Variants in LRRC37A2 observed in about 807,000 individuals in gnomAD.
LRRC37A2 encodes the protein leucine rich repeat containing 37 member A2.
A neutral mutation model predicts 68.8 loss-of-function variants in LRRC37A2; 9 were observed. That is an observed-to-expected ratio of 0.13 (90% CI 0.08 to 0.23). LRRC37A2 has a LOEUF of 0.23. Ranked by LOEUF, LRRC37A2 falls within the 10% of genes least tolerant of loss-of-function variation. The pLI is 1.00. For missense variants in LRRC37A2, 168 were observed against 950.4 expected, an observed-to-expected ratio of 0.18 and a Z score of 10.82; for synonymous variants, 63 against 367.6, an observed-to-expected ratio of 0.17 and a Z score of 9.48.
the LRRC37A2 span, among the ~76,000 whole-genome samples, chr17:46,958,516 A>G: frequency 6.6e-6 from 1 of 152,236 alleles, no homozygotes; most frequent in African/African-American, 2.4e-5. Flanking sequence ...AGCCACTGGA[A>G]GTAGGATCTG....
the LRRC37A2 span, among the ~76,000 whole-genome samples, chr17:46,901,390 G>A: frequency 7.2e-5 from 11 of 152,210 alleles, no homozygotes; most frequent in Non-Finnish European, 1.3e-4. Context: ...TTTAACTCCC[G>A]ACCTCAGGTG....
chr17:46,979,161 C>T, the LRRC37A2 span: 2 of 813,418 alleles, frequency 2.5e-6, no homozygotes, highest in Non-Finnish European at 3.4e-6. Flanking sequence ...TGCGCGCTCT[C>T]GGGCCGCCTA....
chr17:46,946,162 G>GC, the LRRC37A2 span, among the ~76,000 whole-genome samples: 1 of 152,114 alleles, frequency 6.6e-6, no homozygotes, highest in African/African-American at 2.4e-5. Context: ...TAGGCTGGGC[G>GC]CGGTGTCTCA....
At chr17:46,859,051 ACTGCAACCTCCAC>A in the LRRC37A2 span, among the ~76,000 whole-genome samples, 10 of 146,230 alleles carry the variant, frequency 6.8e-5, no homozygotes, top group African/African-American at 2.6e-4. Flanking sequence ...ATCTCGGCTC[ACTGCAACCTCCAC>A]CTCCCGGGTT....
At chr17:46,738,990 CT>C in the LRRC37A2 span, among the ~76,000 whole-genome samples, 1 of 151,894 alleles carries the variant, frequency 6.6e-6, no homozygotes, top group African/African-American at 2.4e-5. Context: ...AATCCCAGCA[CT>C]TTGGGAGGCC....
the LRRC37A2 span, among the ~76,000 whole-genome samples, chr17:47,006,805 C>T: frequency 1.3e-5 from 2 of 152,208 alleles, no homozygotes; most frequent in Non-Finnish European, 2.9e-5. Flanking sequence ...GGGCCTCTGC[C>T]AGGCACTATT....
the LRRC37A2 span, chr17:46,940,234 G>T: frequency 2.5e-5 from 36 of 1,420,698 alleles, no homozygotes; most frequent in Non-Finnish European, 3.3e-5. Flanking sequence ...GAGTTTCCTG[G>T]ATGCTAATTT....
At chr17:46,984,461 G>A in the LRRC37A2 span, among the ~76,000 whole-genome samples, 2 of 152,276 alleles carry the variant, frequency 1.3e-5, no homozygotes, top group Middle Eastern at 3.4e-3. Flanking sequence ...GTGCCTCTGG[G>A]CCAAGCCACC....
the LRRC37A2 span, among the ~76,000 whole-genome samples, chr17:46,973,706 A>G: frequency 6.6e-6 from 1 of 152,124 alleles, no homozygotes; most frequent in Non-Finnish European, 1.5e-5. Flanking sequence ...ATCTGCTGTG[A>G]TCTTTATTGA....
At chr17:46,778,752 A>C in the LRRC37A2 span, among the ~76,000 whole-genome samples, 2 of 152,028 alleles carry the variant, frequency 1.3e-5, no homozygotes, top group Non-Finnish European at 2.9e-5. Context: ...ACACTTCTGC[A>C]CATTTGCACA....
the LRRC37A2 span, chr17:46,940,825 G>A: frequency 6.8e-7 from 1 of 1,464,366 alleles, no homozygotes; most frequent in South Asian, 1.4e-5. Context: ...TGCGGCTGGT[G>A]GACAGCAGCC....
At chr17:46,963,019 C>G in the LRRC37A2 span, among the ~76,000 whole-genome samples, 2 of 150,228 alleles carry the variant, frequency 1.3e-5, no homozygotes, top group Non-Finnish European at 3.0e-5. Flanking sequence ...TGCCACATGG[C>G]TAATAAAGAA....
the LRRC37A2 span, among the ~76,000 whole-genome samples, chr17:46,848,670 G>T: frequency 1.3e-5 from 2 of 152,240 alleles, no homozygotes; most frequent in East Asian, 1.9e-4. Context: ...TAATGCAAAG[G>T]TGTCTGTGAG....
the LRRC37A2 span, chr17:46,875,129 G>A: frequency 1.9e-5 from 31 of 1,613,894 alleles, no homozygotes; most frequent in African/African-American, 8.0e-5. Flanking sequence ...TCCTGTACGC[G>A]GTGTCCTCTG....
At chr17:46,854,846 G>A in the LRRC37A2 span, among the ~76,000 whole-genome samples, 1 of 152,020 alleles carries the variant, frequency 6.6e-6, no homozygotes, top group African/African-American at 2.4e-5. Context: ...TTTTAATAGA[G>A]ATGGGGTTTC....
At chr17:46,526,365 C>T (rs879485753) in intron 6 of LRRC37A2, among the ~76,000 whole-genome samples, 99 of 97,630 alleles carry the variant, frequency 1.0e-3, no homozygotes, top group Non-Finnish European at 1.7e-3. Flanking sequence ...TATTTCCCTG[C>T]ATTACACAAG....
the LRRC37A2 span, among the ~76,000 whole-genome samples, chr17:46,898,469 T>TGGCCATGGCCTCTTCTTATG: frequency 6.6e-6 from 1 of 152,226 alleles, no homozygotes; most frequent in Non-Finnish European, 1.5e-5. Flanking sequence ...CTGCCCACCC[T>TGGCCATGGCCTCTTCTTATG]GGCCATGGCC....
chr17:46,951,897 C>T, the LRRC37A2 span, among the ~76,000 whole-genome samples: 2 of 152,156 alleles, frequency 1.3e-5, no homozygotes, highest in East Asian at 1.9e-4. Context: ...TTCTCCCCCC[C>T]AGACATCACC....
the LRRC37A2 span, among the ~76,000 whole-genome samples, chr17:46,859,192 T>C: frequency 6.6e-6 from 1 of 152,096 alleles, no homozygotes; most frequent in Non-Finnish European, 1.5e-5. Context: ...GGCAGGCTGG[T>C]CTTGAACTCC....
Sources: allele counts gnomAD v4.1 joint callset (sites outside exome capture counted in the v4.1 genomes callset), GRCh38; gene constraint gnomAD v4.1.1; transcripts MANE v1.5; gene names NCBI Gene and HGNC (gene_info 2026-07-23, HGNC 2026-07-21).